The following PRIM2 variants were observed in gnomAD, a reference collection of about 807,000 sequenced individuals.
The protein encoded by PRIM2 is DNA primase subunit 2.
Under a neutral mutation model 67.3 loss-of-function variants are expected in PRIM2, and 39 were observed. That is an observed-to-expected ratio of 0.58 (90% CI 0.45 to 0.76). The LOEUF (loss-of-function observed/expected upper bound fraction) is 0.76. Among genes scored for constraint, PRIM2 ranks in the 30% least tolerant of loss-of-function variants. PRIM2 has a pLI of 0.00. For synonymous variants in PRIM2, 143 were observed against 198.7 expected, an observed-to-expected ratio of 0.72 and a Z score of 2.36; for missense variants, 398 against 598.7, an observed-to-expected ratio of 0.66 and a Z score of 3.50.
chr6:57,326,117 A>G (rs1767844610), intron 5 of PRIM2, 72 bp downstream of exon 5: 2 of 1,544,490 alleles, frequency 1.3e-6, no homozygotes, highest in African/African-American at 1.4e-5. Flanking sequence ...AAGTGCTGGT[A>G]CTAATGTGTA....
At position 57,353,663 on chromosome 6, in the gene PRIM2, T is replaced by A. The variant is rs187518544; in HGVS notation, c.460-26238T>A. ...TTTAGTAGATTACTATCGGTAGTCT[T>A]AGGAAAAGTCTATTTTGGAATTTCA... On this transcript the variant is annotated intron_variant, in intron 5 of 13. Transcript: ENST00000615550. Among the ~76,000 whole-genome samples the A allele has an allele frequency of 2.6e-5, 4 of 152,338 alleles. No individual in the cohort carries two copies. The East Asian group carries it at 7.7e-4, about 29-fold the overall frequency.
chr6:57,404,697 T>A (rs1159664686), intron 7 of PRIM2, among the ~76,000 whole-genome samples: 2 of 152,044 alleles, frequency 1.3e-5, no homozygotes, highest in Non-Finnish European at 2.9e-5. Context: ...GTATGTAAGA[T>A]GTGAATTTTA....
At chr6:57,498,479 A>C (rs1196308635) in intron 7 of PRIM2, among the ~76,000 whole-genome samples, 1 of 152,208 alleles carries the variant, frequency 6.6e-6, no homozygotes, top group East Asian at 1.9e-4. Flanking sequence ...TGTAAGTAAT[A>C]AATGCCACTG....
intron 7 of PRIM2, among the ~76,000 whole-genome samples, chr6:57,487,474 C>T (rs1453844363): frequency 6.6e-6 from 1 of 152,184 alleles, no homozygotes; most frequent in African/African-American, 2.4e-5. Flanking sequence ...AGTGATCCTC[C>T]CACCTTGGCT....
At chr6:57,479,861 T>G (rs1409070318) in intron 7 of PRIM2, among the ~76,000 whole-genome samples, 69 of 152,304 alleles carry the variant, frequency 4.5e-4, no homozygotes, top group African/African-American at 1.7e-3. Flanking sequence ...GTAGGCAAGA[T>G]GAAGTCTGAA....
At chr6:57,236,848 C>T in the PRIM2 span, among the ~76,000 whole-genome samples, 5 of 152,300 alleles carry the variant, frequency 3.3e-5, no homozygotes, top group South Asian at 1.0e-3. Flanking sequence ...CAAGTCTTTG[C>T]TATTGTGAAT....
chr6:57,338,852 C>T (rs986277852), intron 5 of PRIM2, among the ~76,000 whole-genome samples: 2 of 148,882 alleles, frequency 1.3e-5, no homozygotes, highest in Non-Finnish European at 3.0e-5. Context: ...AAGTTCTGGC[C>T]AGGGCAATTA....
chr6:57,432,412 T>C (rs541844885), intron 7 of PRIM2, among the ~76,000 whole-genome samples: 1 of 152,272 alleles, frequency 6.6e-6, no homozygotes, highest in East Asian at 1.9e-4. Context: ...AGGAGTTCAG[T>C]TCTACTTGTT....
intron 5 of PRIM2, among the ~76,000 whole-genome samples, chr6:57,338,321 G>C (rs1268417484): frequency 1.3e-4 from 20 of 152,092 alleles, no homozygotes; most frequent in African/African-American, 3.1e-4. Context: ...CTAGTCCAAT[G>C]AATAGAAAAA....
At chr6:57,538,735 G>A (rs1259916261) in intron 10 of PRIM2, among the ~76,000 whole-genome samples, 5 of 152,166 alleles carry the variant, frequency 3.3e-5, no homozygotes, top group African/African-American at 1.2e-4. Context: ...GGCAGATTTG[G>A]TTTCTCCTGA....
intron 7 of PRIM2, among the ~76,000 whole-genome samples, chr6:57,463,223 G>A (rs1406529391): frequency 2.6e-5 from 4 of 152,208 alleles, no homozygotes; most frequent in Non-Finnish European, 5.9e-5. Flanking sequence ...TGGGCATGGT[G>A]GCTCATGCCT....
intron 12 of PRIM2, among the ~76,000 whole-genome samples, chr6:57,608,224 T>G (rs1467089455): frequency 6.6e-6 from 1 of 151,858 alleles, no homozygotes; most frequent in African/African-American, 2.4e-5. Flanking sequence ...ATCACAAAAG[T>G]CAAGGAGAAA....
the PRIM2 span, among the ~76,000 whole-genome samples, chr6:57,228,314 G>C: frequency 6.6e-6 from 1 of 152,196 alleles, no homozygotes; most frequent in African/African-American, 2.4e-5. Context: ...TGAATAGTTT[G>C]ATGCACTTGC....
chr6:57,495,086 G>A (rs1430200671), intron 7 of PRIM2, among the ~76,000 whole-genome samples: 1 of 152,170 alleles, frequency 6.6e-6, no homozygotes, highest in Non-Finnish European at 1.5e-5. Flanking sequence ...ACATGTTTAT[G>A]TGTAATTGAA....
chr6:57,615,634 G>A (rs1189782821), intron 12 of PRIM2, among the ~76,000 whole-genome samples: 2 of 152,070 alleles, frequency 1.3e-5, no homozygotes, highest in African/African-American at 2.4e-5. Context: ...AGTGGCTCAC[G>A]CCTGTAATCC....
At chr6:57,471,742 C>T (rs1392302554) in intron 7 of PRIM2, among the ~76,000 whole-genome samples, 3 of 151,954 alleles carry the variant, frequency 2.0e-5, no homozygotes, top group African/African-American at 4.8e-5. Flanking sequence ...TGAAGTTAAA[C>T]AGAATTAAGT....
chr6:57,536,381 G>A (rs1347457764), intron 9 of PRIM2, among the ~76,000 whole-genome samples: 2 of 152,064 alleles, frequency 1.3e-5, no homozygotes, highest in African/African-American at 2.4e-5. Context: ...CTTTTAACTT[G>A]GTTTCTTTAA....
At chr6:57,358,856 G>T (rs1363939122) in intron 5 of PRIM2, among the ~76,000 whole-genome samples, 3 of 152,128 alleles carry the variant, frequency 2.0e-5, no homozygotes, top group Non-Finnish European at 4.4e-5. Context: ...GATTAAAAAT[G>T]GCCTCAAATT....
rs1451400491 is a variant in PRIM2 at position 57,639,110 on chromosome 6, T to C, written c.1300-6818T>C. On this transcript the variant is annotated intron_variant, in intron 13 of 13. Transcript: ENST00000615550. The stretch of plus-strand genomic sequence containing the variant: ...CAAGATTAAGAAACTCACTCAAAAC[T>C]GCACAACTACATGGAAACTGAACAG... Among the ~76,000 whole-genome samples, 208 of 152,220 alleles carry C rather than the reference T, an allele frequency of 1.4e-3. 4 individuals are homozygous for C. In the East Asian group the frequency reaches 0.018, roughly 13 times the overall value.
Sources: gnomAD v4.1 joint callset for allele counts (sites outside exome capture counted in the v4.1 genomes callset) on GRCh38, gnomAD v4.1.1 for gene constraint, MANE v1.5 for transcripts, NCBI Gene and HGNC (gene_info 2026-07-23, HGNC 2026-07-21) for gene names.